The following RABGEF1 variants were observed in gnomAD, a reference collection of about 807,000 sequenced individuals.
RABGEF1 encodes the protein rab5 GDP/GTP exchange factor.
In RABGEF1, 26 loss-of-function variants were observed where a neutral mutation model predicts 57.3. The observed-to-expected ratio is 0.45, with a 90% CI of 0.33 to 0.63. The LOEUF (loss-of-function observed/expected upper bound fraction) is 0.63, where lower values mean the gene tolerates loss of function less well. RABGEF1 is among the 20% of genes least tolerant of loss of function. The pLI, the probability that RABGEF1 is intolerant of heterozygous loss-of-function variation, is 0.02. For missense variants in RABGEF1, 464 were observed against 607.6 expected (o/e 0.76, Z 2.48); for synonymous variants, 185 against 210.7 (o/e 0.88, Z 1.06).
chr7:66,773,754 TTCCTGGGC>T, intron 2 of RABGEF1: 1 of 453,496 alleles, frequency 2.2e-6, no homozygotes, highest in Non-Finnish European at 4.4e-6. Flanking sequence ...CAACCTCTGC[TTCCTGGGC>T]TCAAGTGATC....
chr7:66,761,343 T>C (rs1474174288), intron 1 of RABGEF1, among the ~76,000 whole-genome samples: 2 of 152,216 alleles, frequency 1.3e-5, no homozygotes, highest in Non-Finnish European at 2.9e-5. Flanking sequence ...CAGCTTCAAG[T>C]TGGGGTTCCC....
chr7:66,654,701 C>A, the RABGEF1 span: 4 of 152,668 alleles, frequency 2.6e-5, no homozygotes, highest in African/African-American at 9.6e-5. Context: ...GCGTCTCGGG[C>A]CGTGGGCGGC....
intron 4 of RABGEF1, among the ~76,000 whole-genome samples, chr7:66,794,232 T>TA (rs1813464228): frequency 8.4e-6 from 1 of 119,146 alleles, no homozygotes; most frequent in Admixed American, 8.3e-5. Context: ...TTTTTTTTTT[T>TA]ACTTATTATT....
At chr7:66,767,350 A>C (rs2129100265) in intron 1 of RABGEF1, among the ~76,000 whole-genome samples, 1 of 151,980 alleles carries the variant, frequency 6.6e-6, no homozygotes. Context: ...ATCTGGGAGG[A>C]GTATAATGGT....
In RABGEF1 at chr7:66,785,975, A is replaced by G. The variant is rs368776157; in HGVS notation, c.513+2134A>G. Among the ~76,000 whole-genome samples, 9 of 152,190 alleles carry G rather than the reference A, an allele frequency of 5.9e-5. No individual in the cohort carries two copies. The East Asian group carries it at 1.7e-3, about 29-fold the overall frequency. ...AACTAAACTTTCTAGATGGTATCCT[A>G]AGGGCCTATGCAATATGAAAATCCA... On this transcript the variant is annotated intron_variant, in intron 4 of 8. Transcript: ENST00000284957.
intron 1 of RABGEF1, among the ~76,000 whole-genome samples, chr7:66,771,106 G>T (rs1450942868): frequency 1.3e-5 from 2 of 151,948 alleles, no homozygotes; most frequent in Admixed American, 1.3e-4. Flanking sequence ...CCTGTCAGTT[G>T]GTTCCTGTGT....
At chr7:66,693,797 CTT>C (rs1471383502) in intron 1 of RABGEF1, among the ~76,000 whole-genome samples, 1 of 151,034 alleles carries the variant, frequency 6.6e-6, no homozygotes, top group Non-Finnish European at 1.5e-5. Context: ...TCAGTAAACT[CTT>C]TCCTTTTTTT....
At chr7:66,680,673 G>A (rs1584565038), upstream of RABGEF1, among the ~76,000 whole-genome samples, 1 of 152,140 alleles carries the variant, frequency 6.6e-6, no homozygotes, top group Admixed American at 6.5e-5. Context: ...AGGGCCGGGC[G>A]CGGTGGCTCA....
Position 66,724,754 on chromosome 7 carries a change from T to G in RABGEF1, c.-815+12530T>G, listed in dbSNP as rs1430211275. On this transcript the variant is annotated intron_variant and NMD_transcript_variant, in intron 2 of 9. Coordinates refer to the RABGEF1 transcript ENST00000607882. ...TTATAGTTTGAAAAAAATTCAGCAA[T>G]TATTTCTTCTGCCTCTGGTACTCCA... Among the ~76,000 whole-genome samples the G allele has an allele frequency of 3.3e-5, 5 of 152,246 alleles. No individual in the cohort carries two copies. The East Asian group carries it at 9.6e-4, about 29-fold the overall frequency.
chr7:66,689,302 G>T (rs1204219166), intron 1 of RABGEF1, among the ~76,000 whole-genome samples: 2 of 151,472 alleles, frequency 1.3e-5, no homozygotes, highest in African/African-American at 4.9e-5. Context: ...CAAGTTTTTA[G>T]CTAGATTTAC....
chr7:66,679,020 T>C (rs1789503493), upstream of RABGEF1, among the ~76,000 whole-genome samples: 1 of 152,216 alleles, frequency 6.6e-6, no homozygotes, highest in African/African-American at 2.4e-5. Context: ...TTTCCATTAA[T>C]GTCCCAGTAA....
intron 1 of RABGEF1, among the ~76,000 whole-genome samples, chr7:66,758,160 C>T (rs1308950563): frequency 6.6e-6 from 1 of 152,100 alleles, no homozygotes; most frequent in African/African-American, 2.4e-5. Context: ...GAATAGGAAG[C>T]GGACCGCCAA....
At chr7:66,714,042 C>T (rs2117421312) in intron 2 of RABGEF1, among the ~76,000 whole-genome samples, 1 of 152,258 alleles carries the variant, frequency 6.6e-6, no homozygotes, top group African/African-American at 2.4e-5. Flanking sequence ...TTTGTACTAC[C>T]ATAGTCTAGT....
chr7:66,701,370 C>T lies in RABGEF1; in HGVS notation c.-872-10797C>T, dbSNP rs556140225. On this transcript the variant is annotated intron_variant and NMD_transcript_variant, in intron 1 of 9. Coordinates refer to the RABGEF1 transcript ENST00000607882. ...TTAAAAAATTAGCCAGGCATGGTGG[C>T]GCACACCAGTAGCCCCAGCTACTAG... Among the ~76,000 whole-genome samples the T allele has an allele frequency of 2.6e-3, 396 of 152,130 alleles. 3 individuals carry two copies. Among genetic ancestry groups the T allele is most frequent in the South Asian group, 8.5e-3 (41 of 4,810 alleles).
Position 66,799,369 on chromosome 7 carries a change from G to A in RABGEF1, c.775G>A (p.Glu259Lys), listed in dbSNP as rs1308952419. 3 of 1,612,856 alleles carry A rather than the reference G, an allele frequency of 1.9e-6. No homozygotes were observed. Among genetic ancestry groups the A allele is most frequent in the Non-Finnish European group, 2.5e-6 (3 of 1,178,822 alleles). Residue 259 changes from glutamate (E) to lysine (K), a missense_variant, in exon 7 of 9, where the codon GAA (glutamate) becomes AAA (lysine). Glu to Lys is a moderately conservative substitution (Grantham distance 56). Around this residue, in one of 4 missense-constraint regions of RABGEF1, gnomAD observed 284 missense variants for 389.9 expected, o/e 0.73. Transcript: ENST00000284957. ...TPQMLCVPVN[E>K]DIPEVSDMVV... ...TCAGATGCTGTGTGTCCCTGTTAAT[G>A]AAGACATCCCAGAAGTGTCTGATAT...
At chr7:66,780,424 A>G (rs552480500) in intron 3 of RABGEF1, among the ~76,000 whole-genome samples, 1 of 152,348 alleles carries the variant, frequency 6.6e-6, no homozygotes, top group East Asian at 1.9e-4. Context: ...TGTGAGGATT[A>G]TACAAAATAA....
At chr7:66,744,041 C>CT (rs111338333) in intron 1 of RABGEF1, among the ~76,000 whole-genome samples, 1,366 of 94,996 alleles carry the variant, frequency 0.014, 16 homozygotes, top group African/African-American at 0.029. Flanking sequence ...CTTTTCTTTT[C>CT]TTTTTTTTTT....
intron 1 of RABGEF1, among the ~76,000 whole-genome samples, chr7:66,686,858 G>C (rs1157375713): frequency 6.7e-6 from 1 of 150,116 alleles, no homozygotes; most frequent in Non-Finnish European, 1.5e-5. Flanking sequence ...GTCTTCCCCT[G>C]TTGCCCAGGC....
intron 1 of RABGEF1, among the ~76,000 whole-genome samples, chr7:66,700,378 A>G (rs1282387133): frequency 6.6e-6 from 1 of 151,862 alleles, no homozygotes; most frequent in Non-Finnish European, 1.5e-5. Flanking sequence ...GCCATGGATG[A>G]GGGAGTGACT....
Sources: gnomAD v4.1 joint callset for allele counts (sites outside exome capture counted in the v4.1 genomes callset) on GRCh38, gnomAD v4.1.1 for gene constraint, gnomAD v4.1.1 regional missense constraint, MANE v1.5 for transcripts, NCBI Gene and HGNC (gene_info 2026-07-23, HGNC 2026-07-21) for gene names.